Variants in C11orf65 observed in about 807,000 individuals in gnomAD.
C11orf65 encodes the protein protein MFI.
C11orf65 carries 38 observed loss-of-function variants against 35.3 expected under a neutral mutation model. That is an observed-to-expected ratio of 1.08 (90% confidence interval 0.83 to 1.41). C11orf65 has a LOEUF of 1.41. Among genes scored for constraint, C11orf65 ranks in the 40% most tolerant of loss-of-function variants. The pLI is 0.00. For missense variants in C11orf65, 370 were observed against 367.1 expected, an observed-to-expected ratio of 1.01 and a Z score of -0.06; for synonymous variants, 105 against 114.4, an observed-to-expected ratio of 0.92 and a Z score of 0.53.
chr11:108,373,630 G>A (rs2091632088), intron 2 of C11orf65, among the ~76,000 whole-genome samples: 1 of 152,362 alleles, frequency 6.6e-6, no homozygotes, highest in South Asian at 2.1e-4. Context: ...ATTTCCATCT[G>A]AGATACCGGG....
rs188360271 is a variant in C11orf65 at position 108,436,127 on chromosome 11, A to G, written c.82-4289T>C. Among the ~76,000 whole-genome samples the G allele has an allele frequency of 3.4e-4, 51 of 151,848 alleles. No homozygotes were observed. In the East Asian group the frequency reaches 9.8e-3, roughly 29 times the overall value. ...TTTTAGGAGGAAAAAAAAAAAAAAGAAAGAAAATAGAAGGGCATAATGAGC... is the reference window on the plus strand; with the variant it reads ...TTTTAGGAGGAAAAAAAAAAAAAAGGAAGAAAATAGAAGGGCATAATGAGC... On this transcript the variant is annotated intron_variant, in intron 2 of 8. Coordinates refer to ENST00000393084, the MANE Select transcript of C11orf65 (RefSeq NM_152587.5).
intron 3 of C11orf65, among the ~76,000 whole-genome samples, chr11:108,427,686 C>T (rs2092923598): frequency 9.3e-6 from 1 of 108,022 alleles, no homozygotes; most frequent in Non-Finnish European, 1.7e-5. Context: ...CGCGCCACTG[C>T]ACTCCAGCCT....
intron 2 of C11orf65, among the ~76,000 whole-genome samples, chr11:108,438,955 G>A (rs573538041): frequency 1.2e-4 from 18 of 152,042 alleles, no homozygotes; most frequent in Admixed American, 2.6e-4. Context: ...GCAGTGAACC[G>A]AGACTGTGCC....
intron 6 of C11orf65, among the ~76,000 whole-genome samples, chr11:108,403,420 G>GTTTTTTTTTTTTTTTTTTTTTT (rs869122131): frequency 8.4e-6 from 1 of 119,682 alleles, no homozygotes. Flanking sequence ...TTTTTTTTTT[G>GTTTTTTTTTTTTTTTTTTTTTT]TTTTTTTTTT....
At chr11:108,446,401 A>G (rs2093258729) in intron 2 of C11orf65, among the ~76,000 whole-genome samples, 1 of 151,726 alleles carries the variant, frequency 6.6e-6, no homozygotes. Flanking sequence ...GGTTACCCAC[A>G]AAGGGAAGCC....
upstream of C11orf65, chr11:108,467,668 C>G (rs931909069): frequency 6.6e-6 from 1 of 152,132 alleles, no homozygotes; most frequent in Non-Finnish European, 1.5e-5. Flanking sequence ...CTGTTAGAAG[C>G]CCGCTTTCGA....
rs869312478 is a variant in C11orf65 at position 108,334,473 on chromosome 11, T to C, written c.299+747A>G. ...GCAAGAAATAATGGAAGTAATTTCA[T>C]GTGGGCAGGGATATATGTAATAAGG... On this transcript the variant is annotated intron_variant, in intron 3 of 3. Coordinates refer to the C11orf65 transcript ENST00000524755. Among the ~76,000 whole-genome samples the C allele has an allele frequency of 2.0e-5, 3 of 152,210 alleles. No homozygotes were observed. Among genetic ancestry groups the C allele is most frequent in the Non-Finnish European group, 2.9e-5 (2 of 68,026 alleles).
At chr11:108,339,189 C>T (rs2087202525) in intron 2 of C11orf65, among the ~76,000 whole-genome samples, 1 of 152,142 alleles carries the variant, frequency 6.6e-6, no homozygotes, top group Admixed American at 6.5e-5. Context: ...TTTTTCTCCA[C>T]CAAAACTATG....
intron 3 of C11orf65, among the ~76,000 whole-genome samples, chr11:108,424,969 C>A (rs1386743763): frequency 6.6e-6 from 1 of 152,136 alleles, no homozygotes. Context: ...AGAACAAAGA[C>A]ACAATGTACC....
chr11:108,447,227 G>C (rs1285247059), intron 2 of C11orf65, among the ~76,000 whole-genome samples: 1 of 152,034 alleles, frequency 6.6e-6, no homozygotes, highest in Non-Finnish European at 1.5e-5. Context: ...AGATCAACGA[G>C]ACAGAAAGTT....
downstream of C11orf65, chr11:108,331,329 T>G: frequency 2.0e-6 from 3 of 1,472,392 alleles, no homozygotes; most frequent in Non-Finnish European, 1.8e-6. Context: ...TAGTGAAGTT[T>G]TGTTAACCAC....
chr11:108,380,747 G>A (rs1377227038), downstream of C11orf65, among the ~76,000 whole-genome samples: 1 of 152,136 alleles, frequency 6.6e-6, no homozygotes, highest in Non-Finnish European at 1.5e-5. Context: ...TCAGTTCTTT[G>A]GTGGCAACAT....
intron 2 of C11orf65, 143 bp from the exon 3 acceptor site, chr11:108,431,981 A>T (rs893293671): frequency 1.8e-5 from 8 of 451,360 alleles, no homozygotes; most frequent in Non-Finnish European, 3.2e-5. Flanking sequence ...AATATTATGC[A>T]CTCAGGGTTT....
intron 2 of C11orf65, among the ~76,000 whole-genome samples, chr11:108,339,644 C>G (rs1410021396): frequency 6.6e-6 from 1 of 152,126 alleles, no homozygotes; most frequent in Non-Finnish European, 1.5e-5. Flanking sequence ...TCTCCAACAA[C>G]CAACATCACA....
intron 2 of C11orf65, among the ~76,000 whole-genome samples, chr11:108,339,675 T>G (rs889026749): frequency 6.6e-6 from 1 of 152,060 alleles, no homozygotes; most frequent in Non-Finnish European, 1.5e-5. Flanking sequence ...TAAGCTGAGG[T>G]AGAAAAAAGC....
intron 3 of C11orf65, among the ~76,000 whole-genome samples, chr11:108,429,777 A>G (rs1373401734): frequency 6.6e-6 from 1 of 152,226 alleles, no homozygotes; most frequent in Non-Finnish European, 1.5e-5. Flanking sequence ...AGTACAATGT[A>G]GTATATACAC....
chr11:108,340,786 A>C (rs778958740), intron 2 of C11orf65, among the ~76,000 whole-genome samples: 61 of 152,188 alleles, frequency 4.0e-4, no homozygotes, highest in Middle Eastern at 3.2e-3. Flanking sequence ...TGGTGTATGA[A>C]GCATTTGCCT....
intron 6 of C11orf65, among the ~76,000 whole-genome samples, chr11:108,322,400 C>T (rs1406631896): frequency 1.3e-5 from 2 of 152,158 alleles, no homozygotes; most frequent in East Asian, 1.9e-4. Context: ...GTGATCCACC[C>T]GCTTCAGCCT....
At chr11:108,356,526 G>T (rs1488959874) in intron 2 of C11orf65, among the ~76,000 whole-genome samples, 2 of 129,532 alleles carry the variant, frequency 1.5e-5, no homozygotes, top group Non-Finnish European at 3.2e-5. Flanking sequence ...ACAAGAGCAA[G>T]ACTCTGTCTG....
Sources: gnomAD v4.1 joint callset for allele counts (sites outside exome capture counted in the v4.1 genomes callset) on GRCh38, gnomAD v4.1.1 for gene constraint, MANE v1.5 for transcripts, NCBI Gene and HGNC (gene_info 2026-07-23, HGNC 2026-07-21) for gene names.